ADAMTSL1: variants seen among roughly 807,000 people sequenced by gnomAD.
ADAMTSL1 encodes ADAMTS like 1.
A neutral mutation model predicts 201.8 loss-of-function variants in ADAMTSL1; 126 were observed. That is an observed-to-expected ratio of 0.62 (90% CI 0.54 to 0.72). The LOEUF is 0.72. Among genes scored for constraint, ADAMTSL1 ranks in the 30% least tolerant of loss-of-function variants. The pLI, the probability that ADAMTSL1 is intolerant of heterozygous loss-of-function variation, is 0.00. For synonymous variants in ADAMTSL1, 1,121 were observed against 903.4 expected (o/e 1.24, Z -4.32); for missense variants, 2,679 against 2,277.8 (o/e 1.18, Z -3.59).
intron 26 of ADAMTSL1, among the ~76,000 whole-genome samples, chr9:18,897,184 A>T (rs1300899851): frequency 6.6e-6 from 1 of 152,084 alleles, no homozygotes; most frequent in African/African-American, 2.4e-5. Flanking sequence ...AATTTCAGCA[A>T]CTCCAACCTG....
chr9:18,307,310 CCAT>C, intron 2 of ADAMTSL1, among the ~76,000 whole-genome samples: 1 of 152,072 alleles, frequency 6.6e-6, no homozygotes, highest in East Asian at 1.9e-4. Flanking sequence ...TAACCAGCTA[CCAT>C]CATAATGACA....
intron 1 of ADAMTSL1, among the ~76,000 whole-genome samples, chr9:17,967,341 C>T (rs1448936937): frequency 3.9e-5 from 6 of 152,068 alleles, no homozygotes; most frequent in Non-Finnish European, 5.9e-5. Context: ...TAACTAGTTT[C>T]AATCTTTTGC....
At chr9:18,080,579 A>G (rs924677486) in intron 1 of ADAMTSL1, among the ~76,000 whole-genome samples, 1 of 152,208 alleles carries the variant, frequency 6.6e-6, no homozygotes, top group Non-Finnish European at 1.5e-5. Flanking sequence ...GGGATAAGTC[A>G]CTTAGCCCTG....
Position 18,168,231 on chromosome 9 carries a change from A to T in ADAMTSL1, c.207+4250A>T, listed in dbSNP as rs534566139. On this transcript the variant is annotated intron_variant, in intron 2 of 29. Coordinates refer to the ADAMTSL1 transcript ENST00000680146. ...TGCACCCATTAACTCATCATTTAGC[A>T]TTAGGTATATCTCCTAATGCTATCC... 9.2e-4 allele frequency among the ~76,000 whole-genome samples: 140 copies of T among 152,166 alleles called. 1 individual carries two copies. The highest frequency in any genetic ancestry group is 3.3e-3 in the African/African-American group (137 of 41,542).
intron 2 of ADAMTSL1, among the ~76,000 whole-genome samples, chr9:18,349,591 G>T (rs545879793): frequency 1.3e-5 from 2 of 152,296 alleles, no homozygotes; most frequent in South Asian, 2.1e-4. Context: ...CGGCCCCAGA[G>T]AGGGTCCCTG....
At chr9:18,402,813 A>G (rs1435513577) in intron 2 of ADAMTSL1, among the ~76,000 whole-genome samples, 1 of 152,202 alleles carries the variant, frequency 6.6e-6, no homozygotes, top group African/African-American at 2.4e-5. Context: ...CTTCTAGCAT[A>G]TACCCTATAC....
At chr9:18,736,566 G>C (rs925983803) in intron 15 of ADAMTSL1, among the ~76,000 whole-genome samples, 5 of 152,116 alleles carry the variant, frequency 3.3e-5, no homozygotes, top group Admixed American at 3.3e-4. Flanking sequence ...CTGTTTTCCA[G>C]CTCACCCTTG....
Position 18,033,032 on chromosome 9 carries a change from T to A in ADAMTSL1, c.87+126110T>A, listed in dbSNP as rs146050003. On this transcript the variant is annotated intron_variant, in intron 1 of 29. Coordinates refer to the ADAMTSL1 transcript ENST00000680146. ...GGTTTCTCTCTGTGGGACAGGCACC[T>A]CCCCACTATGCCTAGTTAGCCATCT... Among the ~76,000 whole-genome samples, 638 of 152,282 alleles carry A rather than the reference T, an allele frequency of 4.2e-3. 6 individuals are homozygous for A. The highest frequency in any genetic ancestry group is 0.015 in the African/African-American group (611 of 41,538).
chr9:18,427,932 CCTT>C (rs1563954267), intron 2 of ADAMTSL1, among the ~76,000 whole-genome samples: 1 of 152,206 alleles, frequency 6.6e-6, no homozygotes, highest in Admixed American at 6.5e-5. Context: ...AATGCCTCTT[CCTT>C]CTTCTGTGCC....
chr9:18,878,325 G>C (rs1588291972), intron 23 of ADAMTSL1, among the ~76,000 whole-genome samples: 1 of 152,180 alleles, frequency 6.6e-6, no homozygotes, highest in African/African-American at 2.4e-5. Flanking sequence ...TTCATATCCA[G>C]TCAAAATTGT....
intron 2 of ADAMTSL1, among the ~76,000 whole-genome samples, chr9:18,196,394 A>G (rs1175345668): frequency 1.3e-5 from 2 of 152,082 alleles, no homozygotes; most frequent in Non-Finnish European, 2.9e-5. Flanking sequence ...CTTAGCTCAG[A>G]GATCTTAATG....
intron 2 of ADAMTSL1, among the ~76,000 whole-genome samples, chr9:18,392,531 C>T (rs1838094452): frequency 6.6e-6 from 1 of 152,166 alleles, no homozygotes; most frequent in Non-Finnish European, 1.5e-5. Context: ...GCTGATAGCC[C>T]TTATCTTTAT....
chr9:17,991,234 G>T (rs1819137802), intron 1 of ADAMTSL1, among the ~76,000 whole-genome samples: 2 of 152,114 alleles, frequency 1.3e-5, no homozygotes, highest in South Asian at 4.1e-4. Flanking sequence ...TGTCTTCCCA[G>T]CTCTATCTGT....
At chr9:18,315,334 G>C (rs56147320) in intron 2 of ADAMTSL1, among the ~76,000 whole-genome samples, 4,655 of 152,056 alleles carry the variant, frequency 0.031, 239 homozygotes, top group African/African-American at 0.11. Flanking sequence ...TCCCGCGCCA[G>C]GGTCGCAGGC....
At chr9:18,749,546 A>C (rs1051064799) in intron 15 of ADAMTSL1, among the ~76,000 whole-genome samples, 1 of 152,262 alleles carries the variant, frequency 6.6e-6, no homozygotes, top group African/African-American at 2.4e-5. Flanking sequence ...AAAGACTCTA[A>C]GTGTATCCCA....
intron 2 of ADAMTSL1, among the ~76,000 whole-genome samples, chr9:18,172,983 C>A (rs979513322): frequency 1.3e-5 from 2 of 152,044 alleles, no homozygotes; most frequent in African/African-American, 4.8e-5. Context: ...CCTCTTTAGG[C>A]AGAGGAGGAC....
intron 1 of ADAMTSL1, among the ~76,000 whole-genome samples, chr9:17,981,312 G>C (rs1309249941): frequency 6.6e-6 from 1 of 152,206 alleles, no homozygotes; most frequent in Non-Finnish European, 1.5e-5. Flanking sequence ...TGCTATTGCA[G>C]ACTGAACTGA....
intron 23 of ADAMTSL1, among the ~76,000 whole-genome samples, chr9:18,833,888 G>A (rs1825153769): frequency 2.0e-5 from 3 of 152,162 alleles, no homozygotes; most frequent in African/African-American, 7.2e-5. Flanking sequence ...AAGGGACTCA[G>A]TTTTAATCTT....
chr9:18,874,610 A>G (rs1299099790), intron 23 of ADAMTSL1, among the ~76,000 whole-genome samples: 3 of 152,314 alleles, frequency 2.0e-5, no homozygotes, highest in Middle Eastern at 6.8e-3. Context: ...CCATGCCTGC[A>G]TCCCTGGTAT....
Sources: allele counts gnomAD v4.1 joint callset (sites outside exome capture counted in the v4.1 genomes callset), GRCh38; gene constraint gnomAD v4.1.1; transcripts MANE v1.5; gene names NCBI Gene and HGNC (gene_info 2026-07-23, HGNC 2026-07-21).